Variants in FMNL2 observed in about 807,000 individuals in gnomAD.
The protein encoded by FMNL2 is formin like 2.
In FMNL2, 51 loss-of-function variants were observed where a neutral mutation model predicts 130.2. That is an observed-to-expected ratio of 0.39 (90% CI 0.31 to 0.49). FMNL2 has a LOEUF of 0.49. Ranked by LOEUF, FMNL2 falls within the 20% of genes least tolerant of loss-of-function variation. FMNL2 has a pLI of 0.85. For missense variants in FMNL2, 977 were observed against 1,316.2 expected (o/e 0.74, Z 3.99); for synonymous variants, 465 against 467.1 (o/e 1.00, Z 0.06).
intron 1 of FMNL2, among the ~76,000 whole-genome samples, chr2:152,468,446 A>G (rs1389288965): frequency 6.6e-6 from 1 of 152,214 alleles, no homozygotes; most frequent in Admixed American, 6.5e-5. Context: ...CAACTTGGGT[A>G]TGTGAACCTG....
In FMNL2 at chr2:152,544,858, C is replaced by T. The variant is rs148494805; in HGVS notation, c.282+2039C>T. Among the ~76,000 whole-genome samples the T allele has an allele frequency of 4.8e-4, 73 of 152,278 alleles. No homozygotes were observed. In the East Asian group the frequency reaches 0.012, roughly 25 times the overall value. On this transcript the variant is annotated intron_variant, in intron 3 of 25. Coordinates refer to ENST00000288670, the MANE Select transcript of FMNL2 (RefSeq NM_052905.4). The stretch of plus-strand genomic sequence containing the variant: ...GCACAGTTCCAATTTTCCTTTAGAT[C>T]AGCTGTTTCTGGGTTTAGGCAAAGA...
chr2:152,402,509 T>G (rs936605503), intron 1 of FMNL2, among the ~76,000 whole-genome samples: 3 of 152,120 alleles, frequency 2.0e-5, no homozygotes, highest in African/African-American at 7.2e-5. Flanking sequence ...CTCAACTGAA[T>G]TCTGCCTTGA....
rs142346092 is a variant in FMNL2, at chr2:152,515,615, A to G, written c.118-6328A>G. ...TTAGAAACATTGTAGTTTAAATGTC[A>G]TGGAAGGGGGATGATCATACAGACC... On this transcript the variant is annotated intron_variant, in intron 1 of 25. Coordinates refer to ENST00000288670, the MANE Select transcript of FMNL2 (RefSeq NM_052905.4). 3.9e-5 allele frequency among the ~76,000 whole-genome samples: 6 copies of G among 152,248 alleles called. No homozygotes were observed. The East Asian group carries it at 9.7e-4, about 25-fold the overall frequency.
At chr2:152,610,952 T>A (rs112663339) in intron 10 of FMNL2, among the ~76,000 whole-genome samples, 1,781 of 152,350 alleles carry the variant, frequency 0.012, 46 homozygotes, top group African/African-American at 0.04. Context: ...CTTTTGTTAC[T>A]GTATTTCTTT....
chr2:152,486,065 A>C (rs907831128), intron 1 of FMNL2, among the ~76,000 whole-genome samples: 1 of 152,216 alleles, frequency 6.6e-6, no homozygotes, highest in Non-Finnish European at 1.5e-5. Flanking sequence ...GGCCTAAGAT[A>C]AATAGATAGC....
chr2:152,582,764 C>T (rs923386064), intron 9 of FMNL2, among the ~76,000 whole-genome samples: 1 of 152,022 alleles, frequency 6.6e-6, no homozygotes, highest in African/African-American at 2.4e-5. Flanking sequence ...ATATAACGCC[C>T]AAATCTTTAT....
intron 1 of FMNL2, among the ~76,000 whole-genome samples, chr2:152,477,267 G>A (rs141745932): frequency 5.7e-4 from 87 of 152,248 alleles, no homozygotes; most frequent in African/African-American, 2.0e-3. Context: ...ATTTAGAGAC[G>A]AGCTTACTCA....
At chr2:152,590,229 A>C (rs933841396) in intron 9 of FMNL2, among the ~76,000 whole-genome samples, 2 of 151,512 alleles carry the variant, frequency 1.3e-5, no homozygotes, top group African/African-American at 4.9e-5. Context: ...GTAAAAATAA[A>C]AATTATTGTT....
chr2:152,590,771 A>G (rs1697388055), intron 9 of FMNL2, among the ~76,000 whole-genome samples: 1 of 151,982 alleles, frequency 6.6e-6, no homozygotes, highest in African/African-American at 2.4e-5. Context: ...TACATTAAAT[A>G]TATGTGTGTG....
chr2:152,529,105 G>T (rs1185501354), intron 2 of FMNL2, among the ~76,000 whole-genome samples: 1 of 152,174 alleles, frequency 6.6e-6, no homozygotes, highest in East Asian at 1.9e-4. Flanking sequence ...AATTTTGATA[G>T]TCTTATAGTT....
At chr2:152,590,474 C>G (rs1697366539) in intron 9 of FMNL2, among the ~76,000 whole-genome samples, 1 of 151,978 alleles carries the variant, frequency 6.6e-6, no homozygotes, top group East Asian at 1.9e-4. Flanking sequence ...AAAAAATTAG[C>G]TGGGTGGCAT....
At position 152,578,903 on chromosome 2, in the gene FMNL2, G is replaced by T. The variant is rs756975553; in HGVS notation, c.721G>T (p.Val241Phe). ...TTAATTTTAGTATGGTTTCAACATG[G>T]TCATGTCTCATCCACACGCTGTCAA... is the stretch of plus-strand genomic sequence containing the variant. Reference protein sequence around the residue: ...IMNYQYGFNMVMSHPHAVNEI... With the variant: ...IMNYQYGFNMFMSHPHAVNEI... The change falls in exon 8 of 26, where the codon GTC becomes TTC. Residue 241 changes from valine to phenylalanine, a missense_variant. Transcript: ENST00000288670. 1.1e-5 allele frequency: 17 copies of T among 1,612,498 alleles called. No individual in the cohort carries two copies. Among genetic ancestry groups the T allele is most frequent in the Non-Finnish European group, 1.4e-5 (17 of 1,179,272 alleles).
chr2:152,618,260 T>C (rs1320778454), intron 13 of FMNL2, among the ~76,000 whole-genome samples: 3 of 152,210 alleles, frequency 2.0e-5, no homozygotes, highest in Non-Finnish European at 4.4e-5. Flanking sequence ...CCTGTTTTGT[T>C]AACCGCATTA....
intron 1 of FMNL2, among the ~76,000 whole-genome samples, chr2:152,349,082 G>A (rs1413191044): frequency 2.4e-5 from 3 of 125,576 alleles, no homozygotes; most frequent in South Asian, 2.5e-4. Flanking sequence ...TGATCCACCC[G>A]CCTCGGCCTC....
At chr2:152,425,622 T>TA (rs1239232656) in intron 1 of FMNL2, among the ~76,000 whole-genome samples, 1 of 152,246 alleles carries the variant, frequency 6.6e-6, no homozygotes, top group Non-Finnish European at 1.5e-5. Context: ...AACAGCCATA[T>TA]ATCTTAATAT....
chr2:152,570,129 A>G (rs1032812818), intron 6 of FMNL2, among the ~76,000 whole-genome samples: 2 of 152,170 alleles, frequency 1.3e-5, no homozygotes, highest in Admixed American at 6.5e-5. Context: ...ACATATAACT[A>G]TTGGTATCTG....
intron 11 of FMNL2, 82 bp from the exon 12 acceptor site, chr2:152,614,769 C>CAAAACAAAACAAAAAAG: frequency 2.5e-6 from 3 of 1,192,892 alleles, no homozygotes; most frequent in Admixed American, 6.6e-5. Flanking sequence ...AAACAAAAAA[C>CAAAACAAAACAAAAAAG]AAAAAAGACA....
At chr2:152,398,865 A>G (rs1031476202) in intron 1 of FMNL2, among the ~76,000 whole-genome samples, 1 of 152,260 alleles carries the variant, frequency 6.6e-6, no homozygotes, top group African/African-American at 2.4e-5. Flanking sequence ...ACATGACCAG[A>G]TGATTGAGAA....
At chr2:152,606,659 A>G (rs1188006309) in intron 9 of FMNL2, among the ~76,000 whole-genome samples, 2 of 79,182 alleles carry the variant, frequency 2.5e-5, no homozygotes, top group South Asian at 3.7e-4. Context: ...TTTTAGCTCC[A>G]TGTATTTTAT....
Sources: gnomAD v4.1 joint callset for allele counts (sites outside exome capture counted in the v4.1 genomes callset) on GRCh38, gnomAD v4.1.1 for gene constraint, MANE v1.5 for transcripts, NCBI Gene and HGNC (gene_info 2026-07-23, HGNC 2026-07-21) for gene names.